DNAJC22: variants seen among roughly 807,000 people sequenced by gnomAD.
DNAJC22 encodes DnaJ heat shock protein family (Hsp40) member C22.
Under a neutral mutation model 22.2 loss-of-function variants are expected in DNAJC22, and 24 were observed. The observed-to-expected ratio is 1.08, with a 90% CI of 0.78 to 1.52. The LOEUF (loss-of-function observed/expected upper bound fraction) is 1.52, where lower values mean the gene tolerates loss of function less well. Among genes scored for constraint, DNAJC22 ranks in the 40% most tolerant of loss-of-function variants. The pLI, the probability that DNAJC22 is intolerant of heterozygous loss-of-function variation, is 0.00. For synonymous variants in DNAJC22, 160 were observed against 167.4 expected, an observed-to-expected ratio of 0.96 and a Z score of 0.34; for missense variants, 434 against 421.7, an observed-to-expected ratio of 1.03 and a Z score of -0.26.
Position 49,349,037 on chromosome 12 carries a change from T to G in DNAJC22, c.165T>G (p.Phe55Leu). Residue 55 changes from phenylalanine (F) to leucine (L), a missense_variant, in exon 3 of 4, where the codon TTT (phenylalanine) becomes TTG (leucine). By Grantham distance (22) the Phe-to-Leu change is conservative. Transcript: ENST00000549441. The stretch of plus-strand genomic sequence containing the variant: ...GGGAGTTCTGGAAGCTCCCAAGCTT[T>G]GTAGCTCAGGCCAACAGAGCCCAGG... ...WLWEFWKLPS[F>L]VAQANRAQGQ... The G allele has an allele frequency of 1.9e-6, 3 of 1,606,120 alleles. No homozygotes were observed. Among genetic ancestry groups the G allele is most frequent in the Non-Finnish European group, 2.6e-6 (3 of 1,176,300 alleles).
chr12:49,351,173 A>C, intron 3 of DNAJC22, 144 bp from the exon 4 acceptor site: 1 of 1,467,276 alleles, frequency 6.8e-7, no homozygotes, highest in Non-Finnish European at 9.0e-7. Context: ...CTGGAATTCT[A>C]ACCTGAGCTG....
At position 49,349,202 on chromosome 12, in the gene DNAJC22, C is replaced by T. The variant is rs1943741272; in HGVS notation, c.330C>T (p.Leu110=). The change falls in exon 3 of 4, where the codon CTC becomes CTT. Residue 110 remains leucine (L), a synonymous_variant. Coordinates refer to ENST00000549441, the MANE Select transcript of DNAJC22 (RefSeq NM_001304944.2). ...SSMVNFYIVA[L]PLAVGLGVLL... ...TGGTCAACTTCTATATTGTGGCCCT[C>T]CCACTGGCAGTTGGCTTAGGGGTCT... 1 of 1,614,186 alleles carries T rather than the reference C, an allele frequency of 6.2e-7. No individual in the cohort carries two copies.
chr12:49,352,555 T>C lies in DNAJC22; in HGVS notation c.*1053T>C, dbSNP rs1943797309. The C allele has an allele frequency of 1.3e-5, 2 of 151,974 alleles. No individual in the cohort carries two copies. The allele number at this position is 151,974 out of a possible 1,614,324, so 9.4% of individuals were successfully genotyped here. A position where few individuals can be genotyped will look rare whatever the true frequency, so the allele number is the denominator to read the frequency against. On this transcript the variant is annotated 3_prime_UTR_variant, in exon 4 of 4. Coordinates refer to ENST00000549441, the MANE Select transcript of DNAJC22 (RefSeq NM_001304944.2). ...ATAAATAAATAAGTAAGTAAATAAATAAATAAATAAATGTATAAAGCACTA... is the reference window on the plus strand; with the variant it reads ...ATAAATAAATAAGTAAGTAAATAAACAAATAAATAAATGTATAAAGCACTA...
Position 49,347,198 on chromosome 12 carries a change from G to A in DNAJC22, c.-923G>A. Reference sequence around the variant, plus strand: ...GCTCCGTTGCAGCGCAGAGGCGCAGGAAGGCAGACTACCACGAGCCTCGGG... The same window carrying A: ...GCTCCGTTGCAGCGCAGAGGCGCAGAAAGGCAGACTACCACGAGCCTCGGG... On this transcript the variant is annotated 5_prime_UTR_variant, in exon 1 of 4. Transcript: ENST00000549441. The A allele has an allele frequency of 6.6e-6, 1 of 152,440 alleles. No individual in the cohort carries two copies. The allele number at this position is 152,440 out of a possible 1,614,324, so 9.4% of individuals were successfully genotyped here.
chr12:49,349,493 C>T lies in DNAJC22; in HGVS notation c.621C>T (p.Thr207=), dbSNP rs1285290435. 6.2e-7 allele frequency: 1 copy of T among 1,614,224 alleles called. No individual in the cohort carries two copies. The highest frequency in any genetic ancestry group is 2.2e-5 in the East Asian group (1 of 44,880). Residue 207 remains threonine, a synonymous_variant, in exon 3 of 4, where the codon ACC becomes ACT. Coordinates refer to ENST00000549441, the MANE Select transcript of DNAJC22 (RefSeq NM_001304944.2). ...AYSALCNTAA[T]LSYVAETFGS... ...GTGCCCTCTGCAACACAGCTGCCAC[C>T]CTCAGCTATGTGGCAGAAACCTTTG...
rs1469339151 is a variant in DNAJC22 at position 49,352,163 on chromosome 12, C to T, written c.*661C>T. On this transcript the variant is annotated 3_prime_UTR_variant, in exon 4 of 4. Transcript: ENST00000549441. ...TCTTTTAGAGAACACACCACCTTATCCCACCCATGATATATTGATGTGTGA... is the reference window on the plus strand; with the variant it reads ...TCTTTTAGAGAACACACCACCTTATTCCACCCATGATATATTGATGTGTGA... 1 of 152,162 alleles carries T rather than the reference C, an allele frequency of 6.6e-6. No individual in the cohort carries two copies. The highest frequency in any genetic ancestry group is 6.5e-5 in the Admixed American group (1 of 15,276). The allele number at this position is 152,162 out of a possible 1,614,324, so 9.4% of individuals were successfully genotyped here.
Position 49,351,489 on chromosome 12 carries a change from G to A in DNAJC22, c.1013G>A (p.Gly338Glu). 1 of 1,541,920 alleles carries A rather than the reference G, an allele frequency of 6.5e-7. No individual in the cohort carries two copies. Among genetic ancestry groups the A allele is most frequent in the South Asian group, 1.2e-5 (1 of 80,326 alleles). Residue 338 changes from glycine to glutamate, a missense_variant, in exon 4 of 4, where the codon GGA becomes GAA. By Grantham distance (98) the Gly-to-Glu change is moderately conservative. Transcript: ENST00000549441. ...EVLSQPRKPW[G>E]SRR ...CTGAGTCAACCCAGGAAGCCCTGGG[G>A]ATCCCGGAGGTGAAAAGAAACTTCC...
At chr12:49,350,617 G>A (rs1157792623) in intron 3 of DNAJC22, among the ~76,000 whole-genome samples, 1 of 149,822 alleles carries the variant, frequency 6.7e-6, no homozygotes, top group Admixed American at 6.7e-5. Context: ...TCCTGCCTCA[G>A]CCTCCCGAGT....
chr12:49,349,216 G>T lies in DNAJC22; in HGVS notation c.344G>T (p.Gly115Val). The change falls in exon 3 of 4, where the codon GGC becomes GTC. Residue 115 changes from glycine to valine, a missense_variant. Physicochemically the swap from Gly to Val is moderately radical, Grantham distance 109. Transcript: ENST00000549441. ...ATTGTGGCCCTCCCACTGGCAGTTG[G>T]CTTAGGGGTCTTGCTGGTGGCTGCT... Reference protein sequence around the residue: ...FYIVALPLAVGLGVLLVAAVG... With the variant: ...FYIVALPLAVVLGVLLVAAVG... 6.2e-7 allele frequency: 1 copy of T among 1,614,178 alleles called. No homozygotes were observed. The highest frequency in any genetic ancestry group is 1.1e-5 in the South Asian group (1 of 91,078).
At chr12:49,351,273 G>T in intron 3 of DNAJC22, 44 bp from the exon 4 acceptor site, 1 of 1,611,960 alleles carries the variant, frequency 6.2e-7, no homozygotes, top group South Asian at 1.1e-5. Flanking sequence ...CAGGTACCCT[G>T]ACAACTTGGG....
chr12:49,351,251 C>T, intron 3 of DNAJC22, 66 bp from the exon 4 acceptor site: 1 of 1,606,748 alleles, frequency 6.2e-7, no homozygotes, highest in Non-Finnish European at 8.5e-7. Context: ...AGCAAAGGTG[C>T]AAGGAGAGGC....
chr12:49,351,645 C>T lies in DNAJC22; in HGVS notation c.*143C>T. 1.2e-6 allele frequency: 1 copy of T among 868,934 alleles called. No homozygotes were observed. 53.8% of individuals were successfully genotyped at this position (868,934 alleles called of 1,614,324 possible). A position where few individuals can be genotyped will look rare whatever the true frequency, so the allele number is the denominator to read the frequency against. ...GGGCGTGGTGGCTCATGCCTGTAAT[C>T]CCAGCACTTTGGGAGGCCGAGGCGG... On this transcript the variant is annotated 3_prime_UTR_variant, in exon 4 of 4. Coordinates refer to ENST00000549441, the MANE Select transcript of DNAJC22 (RefSeq NM_001304944.2).
At position 49,351,390 on chromosome 12, in the gene DNAJC22, A is replaced by C. The variant is rs1392988375; in HGVS notation, c.914A>C (p.His305Pro). 1 of 1,613,444 alleles carries C rather than the reference A, an allele frequency of 6.2e-7. No individual in the cohort carries two copies. The highest frequency in any genetic ancestry group is 1.3e-5 in the African/African-American group (1 of 74,878). ...TACCAGGAGCTAGTGAAGGTCTGGCACCCAGACCACAACCTGGACCAGACA... is the reference window on the plus strand; with the variant it reads ...TACCAGGAGCTAGTGAAGGTCTGGCCCCCAGACCACAACCTGGACCAGACA... ...RSYQELVKVW[H>P]PDHNLDQTEE... Residue 305 changes from histidine to proline, a missense_variant, in exon 4 of 4, where the codon CAC (histidine) becomes CCC (proline). Coordinates refer to ENST00000549441, the MANE Select transcript of DNAJC22 (RefSeq NM_001304944.2).
chr12:49,352,685 A>G lies in DNAJC22; in HGVS notation c.*1183A>G, dbSNP rs1317247370. On this transcript the variant is annotated 3_prime_UTR_variant, in exon 4 of 4. Coordinates refer to ENST00000549441, the MANE Select transcript of DNAJC22 (RefSeq NM_001304944.2). ...GTAGATGGGGTGAGACTAGGATTAA[A>G]TTTCAAAATTTGAGAAAAATATTTT... The G allele has an allele frequency of 6.6e-6, 1 of 152,224 alleles. No homozygotes were observed. Among genetic ancestry groups the G allele is most frequent in the East Asian group, 1.9e-4 (1 of 5,198 alleles). 9.4% of individuals were successfully genotyped at this position (152,224 alleles called of 1,614,324 possible).
rs1943742768 is a variant in DNAJC22 at position 49,349,258 on chromosome 12, C to G, written c.386C>G (p.Ser129Ter). The G allele has an allele frequency of 6.2e-7, 1 of 1,614,072 alleles. No homozygotes were observed. Among genetic ancestry groups the G allele is most frequent in the African/African-American group, 1.3e-5 (1 of 74,922 alleles). The change falls in exon 3 of 4, where the codon TCA becomes TGA. Residue 129 changes from serine (S) to a stop codon, truncating the protein, a stop_gained. Coordinates refer to ENST00000549441, the MANE Select transcript of DNAJC22 (RefSeq NM_001304944.2). LOFTEE classifies it high-confidence loss of function. ...GTGGCTGCTGTTGGCAACCAGACCT[C>G]AGACTTTAAGAACACTCTGGGGTCA... The part of the protein sequence containing the change: ...LLVAAVGNQT[S>*]DFKNTLGSAF...
At chr12:49,351,031 A>G (rs1943777054) in intron 3 of DNAJC22, 1 of 352,092 alleles carries the variant, frequency 2.8e-6, no homozygotes, top group Non-Finnish European at 4.0e-6. Flanking sequence ...CAGGGATATG[A>G]AGTTCCAGGT....
At chr12:49,348,651 T>C (rs1943730625) in intron 2 of DNAJC22, 115 bp from the exon 3 acceptor site, 1 of 455,470 alleles carries the variant, frequency 2.2e-6, no homozygotes, top group Non-Finnish European at 3.6e-6. Flanking sequence ...GGATATGAGA[T>C]AAATAGCACT....
In DNAJC22 at chr12:49,351,601, G is replaced by C. The variant is rs935153038; in HGVS notation, c.*99G>C. 4 of 1,328,932 alleles carry C rather than the reference G, an allele frequency of 3.0e-6. No homozygotes were observed. The African/African-American group carries it at 6.2e-5, about 21-fold the overall frequency. 82.3% of individuals were successfully genotyped at this position (1,328,932 alleles called of 1,614,324 possible). On this transcript the variant is annotated 3_prime_UTR_variant, in exon 4 of 4. Transcript: ENST00000549441. ...CGAATGGCATCCCAACAGAGTTAAA[G>C]AAACTGCTTGCAGGGGCTGGGCGTG...
rs1285756153 is a variant in DNAJC22, at chr12:49,353,335, A to C, written c.*1833A>C. 6.6e-6 allele frequency: 1 copy of C among 152,070 alleles called. No homozygotes were observed. Among genetic ancestry groups the C allele is most frequent in the African/African-American group, 2.4e-5 (1 of 41,380 alleles). 9.4% of individuals were successfully genotyped at this position (152,070 alleles called of 1,614,324 possible). ...TTCTTCTTTCTGGATGTTAAATCTG[A>C]GTAATATATATCATTTTTAAAGTGG... On this transcript the variant is annotated 3_prime_UTR_variant, in exon 4 of 4. Transcript: ENST00000549441.
Sources: gnomAD v4.1 joint callset for allele counts (sites outside exome capture counted in the v4.1 genomes callset) on GRCh38, gnomAD v4.1.1 for gene constraint, MANE v1.5 for transcripts, NCBI Gene and HGNC (gene_info 2026-07-23, HGNC 2026-07-21) for gene names.